Variants in ALPL observed in about 807,000 individuals in gnomAD.
ALPL encodes the protein alkaline phosphatase, tissue-nonspecific isozyme.
In ALPL, 42 loss-of-function variants were observed where a neutral mutation model predicts 51.3. The ratio of observed to expected loss-of-function variants is 0.82; its 90% CI spans 0.64 to 1.06. ALPL has a LOEUF of 1.06. Ranked by LOEUF, ALPL falls within the 50% of genes least tolerant of loss-of-function variation. The probability of loss-of-function intolerance (pLI) is 0.00; values close to 1 mark genes in which losing one functional copy is unlikely to be tolerated. For missense variants in ALPL, 589 were observed against 709.4 expected (o/e 0.83, Z 1.93); for synonymous variants, 279 against 296.4 (o/e 0.94, Z 0.60).
At position 21,561,537 on chromosome 1, in the gene ALPL, G is replaced by GTACC. The variant is rs770860657; in HGVS notation, c.297+326_297+329dup. On this transcript the variant is annotated intron_variant, in intron 4 of 11. Coordinates refer to ENST00000374840, the MANE Select transcript of ALPL (RefSeq NM_000478.6). ...CCCGAGTAGCTGGGACTACAGGTGT[G>GTACC]TACCACCACATATGGATAATTAGAG... is the stretch of plus-strand genomic sequence containing the variant. Among the ~76,000 whole-genome samples the GTACC allele has an allele frequency of 5.3e-5, 8 of 152,158 alleles. No homozygotes were observed. In the South Asian group the frequency reaches 1.5e-3, roughly 28 times the overall value.
chr1:21,515,125 C>T (rs1243173636), intron 1 of ALPL, among the ~76,000 whole-genome samples: 1 of 152,216 alleles, frequency 6.6e-6, no homozygotes, highest in East Asian at 1.9e-4. Flanking sequence ...GGTGCATGAA[C>T]TTTACCTGGC....
At chr1:21,554,819 T>TCTG (rs1558543928) in intron 2 of ALPL, among the ~76,000 whole-genome samples, 41 of 74,240 alleles carry the variant, frequency 5.5e-4, no homozygotes, top group Middle Eastern at 5.7e-3. Context: ...CTGTCTGTCT[T>TCTG]TCTTTCTTTC....
rs112460023 is a variant in ALPL at position 21,510,029 on chromosome 1, A to C, written c.-105+512A>C. 3.2e-3 allele frequency among the ~76,000 whole-genome samples: 480 copies of C among 152,270 alleles called. 4 individuals carry two copies. The highest frequency in any genetic ancestry group is 0.011 in the African/African-American group (473 of 41,572). ...GTTTGGTTTGGGAGGAGGAGAGGGCAGGAGGCGCTTGGAATGGGGGGCGTG... is the reference window on the plus strand; with the variant it reads ...GTTTGGTTTGGGAGGAGGAGAGGGCCGGAGGCGCTTGGAATGGGGGGCGTG... On this transcript the variant is annotated intron_variant, in intron 1 of 11. Transcript: ENST00000374840.
At chr1:21,552,017 G>T (rs1484912902) in intron 1 of ALPL, among the ~76,000 whole-genome samples, 18 of 149,842 alleles carry the variant, frequency 1.2e-4, no homozygotes, top group Admixed American at 8.7e-4. Context: ...GAGCCACCGC[G>T]CCCGGCCATT....
intron 1 of ALPL, among the ~76,000 whole-genome samples, chr1:21,531,183 T>A (rs1192943135): frequency 6.6e-6 from 1 of 152,128 alleles, no homozygotes; most frequent in Non-Finnish European, 1.5e-5. Flanking sequence ...GGTCTCGAAC[T>A]CCTGGTCTCA....
chr1:21,536,505 G>A (rs1644107491), intron 1 of ALPL, among the ~76,000 whole-genome samples: 1 of 152,210 alleles, frequency 6.6e-6, no homozygotes, highest in African/African-American at 2.4e-5. Context: ...AGGCATGGCT[G>A]CATCTAGGAG....
chr1:21,554,015 C>A lies in ALPL; in HGVS notation c.-67C>A. ...AGTTAACATCTGACCACTGCCAGCC[C>A]ACCCCCTCCCACCCACGTCGATTGC... On this transcript the variant is annotated 5_prime_UTR_variant, in exon 2 of 12. Coordinates refer to ENST00000374840, the MANE Select transcript of ALPL (RefSeq NM_000478.6). 1.0e-6 allele frequency: 1 copy of A among 985,296 alleles called. No individual in the cohort carries two copies. The highest frequency in any genetic ancestry group is 1.3e-5 in the South Asian group (1 of 78,706). The allele number at this position is 985,296 out of a possible 1,614,324, so 61.0% of individuals were successfully genotyped here. A position where few individuals can be genotyped will look rare whatever the true frequency, so the allele number is the denominator to read the frequency against.
chr1:21,554,328 A>ATATG, intron 2 of ALPL, among the ~76,000 whole-genome samples, 186 bp downstream of exon 2: 1 of 149,300 alleles, frequency 6.7e-6, no homozygotes, highest in Non-Finnish European at 1.5e-5. Flanking sequence ...CTTTTCCCAT[A>ATATG]TATATATATA....
chr1:21,575,736 G>A lies in ALPL; in HGVS notation c.1001G>A (p.Gly334Asp), dbSNP rs121918009. The change falls in exon 10 of 12, where the codon GGC (glycine) becomes GAC (aspartate). Residue 334 changes from glycine (G) to aspartate (D), a missense_variant. Gly to Asp is a moderately conservative substitution (Grantham distance 94). Transcript: ENST00000374840. ...GCCTTTGCCTTGGTGTCCCAAGGAG[G>A]CAGAATTGACCACGGGCACCATGAA... Reference protein sequence around the residue: ...PKGFFLLVEGGRIDHGHHEGK... With the variant: ...PKGFFLLVEGDRIDHGHHEGK... The A allele has an allele frequency of 1.2e-6, 2 of 1,614,146 alleles. No homozygotes were observed. The highest frequency in any genetic ancestry group is 1.7e-6 in the Non-Finnish European group (2 of 1,180,032).
chr1:21,510,050 G>A (rs147750540), intron 1 of ALPL, among the ~76,000 whole-genome samples: 4,072 of 152,208 alleles, frequency 0.027, 90 homozygotes, highest in Non-Finnish European at 0.037. Flanking sequence ...GGAATGGGGG[G>A]CGTGGCGGGA....
chr1:21,553,685 C>A (rs1644361210), intron 1 of ALPL, among the ~76,000 whole-genome samples: 1 of 152,324 alleles, frequency 6.6e-6, no homozygotes, highest in South Asian at 2.1e-4. Flanking sequence ...AAAGATTGGA[C>A]TCTGGGAGGT....
At chr1:21,511,678 G>A (rs1338358474) in intron 1 of ALPL, among the ~76,000 whole-genome samples, 1 of 152,212 alleles carries the variant, frequency 6.6e-6, no homozygotes, top group Non-Finnish European at 1.5e-5. Flanking sequence ...CCTGGGCTGG[G>A]AGCGCAGAGC....
At chr1:21,525,715 C>G (rs1643932558) in intron 1 of ALPL, among the ~76,000 whole-genome samples, 2 of 152,226 alleles carry the variant, frequency 1.3e-5, no homozygotes, top group South Asian at 2.1e-4. Context: ...AGGCTGGGCT[C>G]CGCGGCTCAC....
chr1:21,545,461 T>G (rs1457589290), intron 1 of ALPL, among the ~76,000 whole-genome samples: 1 of 152,092 alleles, frequency 6.6e-6, no homozygotes, highest in Non-Finnish European at 1.5e-5. Flanking sequence ...CAGCTAATTT[T>G]TGTATTTTTA....
chr1:21,562,970 A>G, intron 4 of ALPL, 140 bp from the exon 5 acceptor site: 2 of 1,132,250 alleles, frequency 1.8e-6, no homozygotes, highest in Non-Finnish European at 2.6e-6. Context: ...GGGGGGCTTC[A>G]GTGGGCAGTG....
intron 1 of ALPL, among the ~76,000 whole-genome samples, chr1:21,539,065 G>T (rs1644147454): frequency 6.6e-6 from 1 of 152,218 alleles, no homozygotes; most frequent in Middle Eastern, 3.2e-3. Context: ...AGTATAATGT[G>T]TCTGTGTAAT....
intron 1 of ALPL, among the ~76,000 whole-genome samples, chr1:21,536,223 G>A (rs1333967330): frequency 6.6e-6 from 1 of 152,226 alleles, no homozygotes; most frequent in Admixed American, 6.5e-5. Flanking sequence ...TAGATTCCAA[G>A]TAGAAAGTGA....
chr1:21,511,265 A>G (rs927329745), intron 1 of ALPL, among the ~76,000 whole-genome samples: 3 of 152,230 alleles, frequency 2.0e-5, no homozygotes, highest in African/African-American at 7.2e-5. Flanking sequence ...AGACGCAATC[A>G]CCTGTAAAAT....
chr1:21,552,106 T>TCCCCCCC (rs1558542016), intron 1 of ALPL, among the ~76,000 whole-genome samples: 23 of 33,810 alleles, frequency 6.8e-4, no homozygotes, highest in South Asian at 1.2e-3. Flanking sequence ...CCCTTCCCTT[T>TCCCCCCC]CCTCCCCTTC....
Sources: gnomAD v4.1 joint callset for allele counts (sites outside exome capture counted in the v4.1 genomes callset) on GRCh38, gnomAD v4.1.1 for gene constraint, MANE v1.5 for transcripts, NCBI Gene and HGNC (gene_info 2026-07-23, HGNC 2026-07-21) for gene names.